IQCK: variants seen among roughly 807,000 people sequenced by gnomAD.
The protein encoded by IQCK is IQ motif containing K, also known as IQ domain-containing protein K.
IQCK carries 29 observed loss-of-function variants against 28.1 expected under a neutral mutation model. The ratio of observed to expected loss-of-function variants is 1.03; its 90% CI spans 0.77 to 1.41. The LOEUF is 1.41. Ranked by LOEUF, IQCK falls within the 40% of genes most tolerant of loss-of-function variation. The probability of loss-of-function intolerance (pLI) is 0.00; values close to 1 mark genes in which losing one functional copy is unlikely to be tolerated. For missense variants in IQCK, 359 were observed against 314.7 expected, an observed-to-expected ratio of 1.14 and a Z score of -1.07; for synonymous variants, 113 against 115.1, an observed-to-expected ratio of 0.98 and a Z score of 0.12.
At chr16:19,756,468 T>A (rs1443978288) in intron 4 of IQCK, among the ~76,000 whole-genome samples, 2 of 152,224 alleles carry the variant, frequency 1.3e-5, no homozygotes, top group Non-Finnish European at 2.9e-5. Context: ...TGAATGTCTA[T>A]ATCTTCCCCC....
At chr16:19,811,594 A>G (rs981406697) in intron 7 of IQCK, among the ~76,000 whole-genome samples, 10 of 152,170 alleles carry the variant, frequency 6.6e-5, no homozygotes, top group African/African-American at 1.7e-4. Flanking sequence ...AGACGACCCC[A>G]CCAAAAAGCA....
intron 7 of IQCK, among the ~76,000 whole-genome samples, chr16:19,806,539 A>C (rs1302738087): frequency 6.6e-6 from 1 of 151,284 alleles, no homozygotes; most frequent in Non-Finnish European, 1.5e-5. Flanking sequence ...TACAAAAAAA[A>C]AATAGCTGAG....
intron 1 of IQCK, among the ~76,000 whole-genome samples, chr16:19,718,774 T>C (rs1297860485): frequency 6.6e-6 from 1 of 151,226 alleles, no homozygotes; most frequent in Non-Finnish European, 1.5e-5. Context: ...CATTGGTTCT[T>C]AAACCTCGGT....
At chr16:19,770,668 G>A (rs1392265557) in intron 6 of IQCK, among the ~76,000 whole-genome samples, 2 of 152,096 alleles carry the variant, frequency 1.3e-5, no homozygotes, top group African/African-American at 2.4e-5. Flanking sequence ...TGTCACCCAG[G>A]GTGGAGTGCA....
chr16:19,852,662 G>A (rs1180454428), intron 9 of IQCK, among the ~76,000 whole-genome samples: 2 of 131,686 alleles, frequency 1.5e-5, no homozygotes, highest in Non-Finnish European at 3.1e-5. Context: ...TCGCCCTGTC[G>A]CCCAGGCTGG....
At chr16:19,773,989 A>T (rs2055353860) in intron 6 of IQCK, among the ~76,000 whole-genome samples, 1 of 152,192 alleles carries the variant, frequency 6.6e-6, no homozygotes, top group Admixed American at 6.5e-5. Flanking sequence ...ACCCAAAGTC[A>T]TGGTATTGCG....
intron 6 of IQCK, among the ~76,000 whole-genome samples, chr16:19,765,780 A>T (rs1385415991): frequency 6.6e-6 from 1 of 152,180 alleles, no homozygotes; most frequent in African/African-American, 2.4e-5. Context: ...CCGCTATGAA[A>T]TGTATAGCCC....
downstream of IQCK, among the ~76,000 whole-genome samples, chr16:19,831,500 A>AAAAT (rs1329721251): frequency 6.6e-6 from 1 of 152,162 alleles, no homozygotes; most frequent in Admixed American, 6.5e-5. Flanking sequence ...GGGGGGTTAC[A>AAAAT]AAATAAATCT....
chr16:19,803,207 A>G (rs2055783340), intron 7 of IQCK, among the ~76,000 whole-genome samples: 1 of 152,036 alleles, frequency 6.6e-6, no homozygotes, highest in African/African-American at 2.4e-5. Context: ...CAGTGGAATG[A>G]TTTCAGCTCA....
At chr16:19,744,449 C>G (rs1188555530) in intron 4 of IQCK, among the ~76,000 whole-genome samples, 1 of 152,154 alleles carries the variant, frequency 6.6e-6, no homozygotes, top group Non-Finnish European at 1.5e-5. Context: ...ATATTTAACT[C>G]TATTTTAAAT....
chr16:19,725,789 CTAAAG>C (rs1187073561), intron 1 of IQCK, among the ~76,000 whole-genome samples: 2 of 152,194 alleles, frequency 1.3e-5, no homozygotes, highest in Non-Finnish European at 2.9e-5. Context: ...TGTCTTGAAG[CTAAAG>C]TATTTTCCCA....
intron 6 of IQCK, among the ~76,000 whole-genome samples, chr16:19,777,766 C>G (rs1390902164): frequency 6.6e-6 from 1 of 151,998 alleles, no homozygotes; most frequent in Admixed American, 6.6e-5. Flanking sequence ...AGAACCAGTT[C>G]AGGGCCGGGC....
chr16:19,816,663 C>G (rs767627172), intron 7 of IQCK, among the ~76,000 whole-genome samples: 3 of 152,112 alleles, frequency 2.0e-5, no homozygotes, highest in African/African-American at 4.8e-5. Context: ...CTTTGTAAAC[C>G]CTTGGGAGGA....
At chr16:19,818,807 A>T (rs905911178) in intron 7 of IQCK, among the ~76,000 whole-genome samples, 2 of 152,212 alleles carry the variant, frequency 1.3e-5, no homozygotes, top group Admixed American at 6.5e-5. Flanking sequence ...GGAGTAAAAA[A>T]ATCAGTTGAA....
chr16:19,839,282 T>G (rs2056336758), intron 9 of IQCK, among the ~76,000 whole-genome samples: 1 of 151,724 alleles, frequency 6.6e-6, no homozygotes, highest in Non-Finnish European at 1.5e-5. Context: ...TGCCTCAGCC[T>G]CCCGAGTAGC....
chr16:19,807,859 A>C (rs1232357621), intron 7 of IQCK, among the ~76,000 whole-genome samples: 1 of 152,184 alleles, frequency 6.6e-6, no homozygotes, highest in Non-Finnish European at 1.5e-5. Context: ...AAGGGCTCAT[A>C]AGTATTAGCT....
chr16:19,736,379 C>G (rs1978015309), intron 4 of IQCK, among the ~76,000 whole-genome samples: 1 of 152,078 alleles, frequency 6.6e-6, no homozygotes, highest in South Asian at 2.1e-4. Flanking sequence ...CCTCCCACCT[C>G]AGCTTCCTGA....
intron 9 of IQCK, among the ~76,000 whole-genome samples, chr16:19,845,456 C>T (rs1166339360): frequency 6.6e-6 from 1 of 152,196 alleles, no homozygotes; most frequent in Non-Finnish European, 1.5e-5. Flanking sequence ...TCATAAGACA[C>T]GGCTGATGGG....
chr16:19,721,133 T>C lies in IQCK; in HGVS notation c.181+2646T>C, dbSNP rs188040313. ...TAAACATCTAACAAATGCAGTTTTCTATAACATGTAGTAAATTCAGTTTCT... is the reference window on the plus strand; with the variant it reads ...TAAACATCTAACAAATGCAGTTTTCCATAACATGTAGTAAATTCAGTTTCT... On this transcript the variant is annotated intron_variant, in intron 1 of 7. Transcript: ENST00000564186. Among the ~76,000 whole-genome samples the C allele has an allele frequency of 5.8e-3, 887 of 152,280 alleles. 36 individuals carry two copies. The highest frequency in any genetic ancestry group is 0.054 in the Admixed American group (820 of 15,290).
Sources: allele counts gnomAD v4.1 joint callset (sites outside exome capture counted in the v4.1 genomes callset), GRCh38; gene constraint gnomAD v4.1.1; transcripts MANE v1.5; gene names NCBI Gene and HGNC (gene_info 2026-07-23, HGNC 2026-07-21).